Variants in NEXN observed in about 807,000 individuals in gnomAD.
NEXN encodes the protein nexilin F-actin binding protein.
Under a neutral mutation model 92.6 loss-of-function variants are expected in NEXN, and 65 were observed. The observed-to-expected ratio is 0.70, with a 90% CI of 0.57 to 0.86. NEXN has a LOEUF of 0.86. Among genes scored for constraint, NEXN ranks in the 40% least tolerant of loss-of-function variants. The pLI is 0.00. For missense variants in NEXN, 778 were observed against 771.1 expected, an observed-to-expected ratio of 1.01 and a Z score of -0.11; for synonymous variants, 254 against 242.5, an observed-to-expected ratio of 1.05 and a Z score of -0.44.
At chr1:77,921,907 C>T (rs1045057281) in intron 5 of NEXN, among the ~76,000 whole-genome samples, 2 of 152,028 alleles carry the variant, frequency 1.3e-5, no homozygotes, top group African/African-American at 4.8e-5. Context: ...CAGCAAGACC[C>T]TGCTGTCTCT....
At chr1:77,903,822 G>A (rs1011514238) in intron 1 of NEXN, among the ~76,000 whole-genome samples, 3 of 152,050 alleles carry the variant, frequency 2.0e-5, no homozygotes, top group Non-Finnish European at 4.4e-5. Context: ...CTACTCAGGA[G>A]GCTGAGGTGG....
intron 12 of NEXN, 38 bp downstream of exon 12, chr1:77,942,246 C>A: frequency 6.3e-7 from 1 of 1,585,610 alleles, no homozygotes; most frequent in South Asian, 1.1e-5. Context: ...CCAAAGATGC[C>A]CTCTTAAAAC....
At chr1:77,931,923 C>G (rs1014580842) in intron 9 of NEXN, 1 of 152,072 alleles carries the variant, frequency 6.6e-6, no homozygotes, top group Non-Finnish European at 1.5e-5. Context: ...ATACCGCGCC[C>G]GGCCTATAAT....
Position 77,942,598 on chromosome 1 carries a change from C to CAGAT in NEXN, c.1798_1801dup (p.Phe601Ter). On this transcript the variant is annotated frameshift_variant, in exon 13 of 13. Transcript: ENST00000334785. LOFTEE classifies it high-confidence loss of function. ...CATCAGTTGTAGACAGTGAGCCAGT[C>CAGAT]AGATTTACGGTTAAAGTAACAGGAG... is the stretch of plus-strand genomic sequence containing the variant. 6.2e-7 allele frequency: 1 copy of CAGAT among 1,613,816 alleles called. No homozygotes were observed. The highest frequency in any genetic ancestry group is 8.5e-7 in the Non-Finnish European group (1 of 1,179,794).
At chr1:77,917,536 C>CTTTTCTTTTTTTTATTTCTTTATCT in intron 2 of NEXN, 30 bp from the exon 3 acceptor site, 1 of 1,542,272 alleles carries the variant, frequency 6.5e-7, no homozygotes, top group Non-Finnish European at 9.0e-7. Context: ...TTTTCGTTAA[C>CTTTTCTTTTTTTTATTTCTTTATCT]TTTCTTTTTT....
At position 77,918,275 on chromosome 1, in the gene NEXN, T is replaced by G; in HGVS notation, c.447+2T>G. ...GAATTAGCAAAAAGGGCTGAACAGG[T>G]ATCACTGAAGATTAAGTTCGTATTT... On this transcript the variant is annotated splice_donor_variant, in intron 5 of 12. Transcript: ENST00000334785. LOFTEE classifies it high-confidence loss of function. The G allele has an allele frequency of 6.2e-7, 1 of 1,613,970 alleles. No individual in the cohort carries two copies. The highest frequency in any genetic ancestry group is 1.1e-5 in the South Asian group (1 of 91,080).
At chr1:77,900,614 A>G (rs992164665) in intron 1 of NEXN, among the ~76,000 whole-genome samples, 2 of 152,190 alleles carry the variant, frequency 1.3e-5, no homozygotes, top group Admixed American at 1.3e-4. Flanking sequence ...GGTTATACTA[A>G]TATTGCAATA....
rs199738750 is a variant in NEXN, at chr1:77,942,589, T to G, written c.1788T>G (p.Ser596Arg). ...TTAAAAACACATCAGTTGTAGACAG[T>G]GAGCCAGTCAGATTTACGGTTAAAG... Reference protein sequence around the residue: ...KPLKNTSVVDSEPVRFTVKVT... With the variant: ...KPLKNTSVVDREPVRFTVKVT... The change falls in exon 13 of 13, where the codon AGT (serine) becomes AGG (arginine). Residue 596 changes from serine (S) to arginine (R), a missense_variant. By Grantham distance (110) the Ser-to-Arg change is moderately radical. Around this residue, in one of 3 missense-constraint regions of NEXN, gnomAD observed 532 missense variants for 476.7 expected, o/e 1.12. Coordinates refer to ENST00000334785, the MANE Select transcript of NEXN (RefSeq NM_144573.4). 698 of 1,613,866 alleles carry G rather than the reference T, an allele frequency of 4.3e-4. 1 individual carries two copies. Among genetic ancestry groups the G allele is most frequent in the Non-Finnish European group, 5.6e-4 (657 of 1,179,808 alleles).
At chr1:77,920,865 A>C (rs1350384584) in intron 5 of NEXN, among the ~76,000 whole-genome samples, 1 of 152,058 alleles carries the variant, frequency 6.6e-6, no homozygotes, top group African/African-American at 2.4e-5. Flanking sequence ...AAGCAAAAGG[A>C]GTTTCATTTT....
rs1012964032 is a variant in NEXN, at chr1:77,911,900, G to T, written c.-52-4155G>T. Among the ~76,000 whole-genome samples, 9 of 151,948 alleles carry T rather than the reference G, an allele frequency of 5.9e-5. No individual in the cohort carries two copies. In the South Asian group the frequency reaches 1.9e-3, roughly 32 times the overall value. ...TTGAGACCAGCCTGACCAACATGGTGAAACCCCGTCTCTACTAAAAATACA... is the reference window on the plus strand; with the variant it reads ...TTGAGACCAGCCTGACCAACATGGTTAAACCCCGTCTCTACTAAAAATACA... On this transcript the variant is annotated intron_variant, in intron 1 of 12. Coordinates refer to ENST00000334785, the MANE Select transcript of NEXN (RefSeq NM_144573.4).
intron 8 of NEXN, among the ~76,000 whole-genome samples, chr1:77,927,675 A>G (rs1307253342): frequency 6.6e-6 from 1 of 151,830 alleles, no homozygotes; most frequent in African/African-American, 2.4e-5. Flanking sequence ...GATTGTCTAG[A>G]TTCAGATATC....
At chr1:77,914,383 TA>T (rs1033243350) in intron 1 of NEXN, among the ~76,000 whole-genome samples, 2 of 152,010 alleles carry the variant, frequency 1.3e-5, no homozygotes, top group Admixed American at 1.3e-4. Flanking sequence ...CTCTATCTTC[TA>T]CTCAATTTTG....
intron 11 of NEXN, among the ~76,000 whole-genome samples, chr1:77,937,463 G>C (rs1328796363): frequency 6.6e-6 from 1 of 152,216 alleles, no homozygotes; most frequent in Non-Finnish European, 1.5e-5. Flanking sequence ...GCCGAGGTGG[G>C]TGGATCACCT....
At chr1:77,914,981 A>C (rs374193418) in intron 1 of NEXN, among the ~76,000 whole-genome samples, 1 of 152,140 alleles carries the variant, frequency 6.6e-6, no homozygotes, top group African/African-American at 2.4e-5. Flanking sequence ...AGTGAAAGTA[A>C]ATAGCTAGAA....
chr1:77,935,070 TTTTG>T (rs1193603444), intron 10 of NEXN, among the ~76,000 whole-genome samples: 14 of 152,172 alleles, frequency 9.2e-5, no homozygotes, highest in South Asian at 2.1e-4. Flanking sequence ...CAGTGTTCTT[TTTTG>T]TTTGTTTGAG....
At position 77,942,427 on chromosome 1, in the gene NEXN, A is replaced by G. The variant is rs774636713; in HGVS notation, c.1660-34A>G. On this transcript the variant is annotated intron_variant, in intron 12 of 12. Coordinates refer to ENST00000334785, the MANE Select transcript of NEXN (RefSeq NM_144573.4). ...TAAATCGCTGCCCTGAAAATACTAT[A>G]AATGCCAACCTGAATGCATTTATTT... 1.0e-5 allele frequency: 16 copies of G among 1,604,536 alleles called. 1 individual carries two copies. In the South Asian group the frequency reaches 1.5e-4, roughly 15 times the overall value.
rs191783311 is a variant in NEXN at position 77,917,483 on chromosome 1, T to C, written c.28-83T>C. On this transcript the variant is annotated intron_variant, in intron 2 of 12. Transcript: ENST00000334785. Reference sequence around the variant, plus strand: ...TTTCTGTTTCAATAAATATTTTTTATATTGCTTATTCTTATCTATCTTTAC... The same window carrying C: ...TTTCTGTTTCAATAAATATTTTTTACATTGCTTATTCTTATCTATCTTTAC... The C allele has an allele frequency of 6.8e-5, 66 of 973,862 alleles. No homozygotes were observed. The African/African-American group carries it at 7.2e-4, about 11-fold the overall frequency. 60.3% of individuals were successfully genotyped at this position (973,862 alleles called of 1,614,324 possible). A position where few individuals can be genotyped will look rare whatever the true frequency, so the allele number is the denominator to read the frequency against.
intron 10 of NEXN, among the ~76,000 whole-genome samples, chr1:77,935,421 T>TA (rs1194118023): frequency 6.6e-6 from 1 of 152,218 alleles, no homozygotes; most frequent in Non-Finnish European, 1.5e-5. Flanking sequence ...GTCATGAATA[T>TA]TTTAGTTTTA....
At chr1:77,906,076 G>A (rs1648090009) in intron 1 of NEXN, among the ~76,000 whole-genome samples, 1 of 152,054 alleles carries the variant, frequency 6.6e-6, no homozygotes, top group Admixed American at 6.6e-5. Flanking sequence ...GAGGTAGAGA[G>A]AGGTATAGAA....
Sources: gnomAD v4.1 joint callset for allele counts (sites outside exome capture counted in the v4.1 genomes callset) on GRCh38, gnomAD v4.1.1 for gene constraint, gnomAD v4.1.1 regional missense constraint, MANE v1.5 for transcripts, NCBI Gene and HGNC (gene_info 2026-07-23, HGNC 2026-07-21) for gene names.